The following SBNO1 variants were observed in gnomAD, a reference collection of about 807,000 sequenced individuals.
SBNO1 encodes protein strawberry notch homolog 1.
SBNO1 carries 23 observed loss-of-function variants against 173.6 expected under a neutral mutation model. That is an observed-to-expected ratio of 0.13 (90% CI 0.10 to 0.19). The LOEUF is 0.19. Among genes scored for constraint, SBNO1 ranks in the 10% least tolerant of loss-of-function variants. The probability of loss-of-function intolerance (pLI) is 1.00; values close to 1 mark genes in which losing one functional copy is unlikely to be tolerated. For missense variants in SBNO1, 1,238 were observed against 1,671.2 expected, an observed-to-expected ratio of 0.74 and a Z score of 4.52; for synonymous variants, 632 against 571.5, an observed-to-expected ratio of 1.11 and a Z score of -1.51.
chr12:123,346,250 T>C (rs1462792731), intron 3 of SBNO1, among the ~76,000 whole-genome samples: 1 of 152,128 alleles, frequency 6.6e-6, no homozygotes, highest in Non-Finnish European at 1.5e-5. Flanking sequence ...CACCCCAATC[T>C]CCCCAAAAGA....
rs1169926425 is a variant in SBNO1, at chr12:123,294,447, C to A, written c.*1461G>T. ...TATAAGGCTACCTGGAATGCTGAGA[C>A]AACACACAAATTCTGCTGAGTCCCC... On this transcript the variant is annotated 3_prime_UTR_variant, in exon 32 of 32. Coordinates refer to ENST00000602398, the MANE Select transcript of SBNO1 (RefSeq NM_001167856.3). The A allele has an allele frequency of 6.6e-6, 1 of 152,194 alleles. No homozygotes were observed. The highest frequency in any genetic ancestry group is 1.5e-5 in the Non-Finnish European group (1 of 68,182). 9.4% of individuals were successfully genotyped at this position (152,194 alleles called of 1,614,324 possible). A position where few individuals can be genotyped will look rare whatever the true frequency, so the allele number is the denominator to read the frequency against.
At chr12:123,315,019 A>C (rs1479852085) in intron 23 of SBNO1, among the ~76,000 whole-genome samples, 1 of 152,138 alleles carries the variant, frequency 6.6e-6, no homozygotes, top group Non-Finnish European at 1.5e-5. Flanking sequence ...CTGGGATTAC[A>C]GACATGAGCC....
In SBNO1 at chr12:123,292,235, T is replaced by C. The variant is rs148323309; in HGVS notation, c.*3673A>G. On this transcript the variant is annotated 3_prime_UTR_variant, in exon 32 of 32. Transcript: ENST00000602398. ...CCTGAACTAATCAAACGTTCATTAATAGGATCCCAGCCTAACAGCAACGCT... is the reference window on the plus strand; with the variant it reads ...CCTGAACTAATCAAACGTTCATTAACAGGATCCCAGCCTAACAGCAACGCT... 1.3e-5 allele frequency: 2 copies of C among 152,166 alleles called. No homozygotes were observed. Among genetic ancestry groups the C allele is most frequent in the Non-Finnish European group, 1.5e-5 (1 of 68,046 alleles). 9.4% of individuals were successfully genotyped at this position (152,166 alleles called of 1,614,324 possible).
intron 4 of SBNO1, among the ~76,000 whole-genome samples, chr12:123,343,305 A>G (rs1872760252): frequency 6.6e-6 from 1 of 152,174 alleles, no homozygotes; most frequent in African/African-American, 2.4e-5. Flanking sequence ...ATTTGGGGGC[A>G]TGGTTTGTTT....
At chr12:123,312,604 CG>C (rs1868721627) in intron 24 of SBNO1, among the ~76,000 whole-genome samples, 1 of 151,538 alleles carries the variant, frequency 6.6e-6, no homozygotes, top group Admixed American at 6.6e-5. Flanking sequence ...CCCAGCTACT[CG>C]GGAGGTTCAG....
In SBNO1 at chr12:123,289,122, A is replaced by C. The variant is rs746493662; in HGVS notation, c.*6786T>G. 6.6e-6 allele frequency: 1 copy of C among 152,088 alleles called. No individual in the cohort carries two copies. Among genetic ancestry groups the C allele is most frequent in the Non-Finnish European group, 1.5e-5 (1 of 67,956 alleles). The allele number at this position is 152,088 out of a possible 1,614,324, so 9.4% of individuals were successfully genotyped here. On this transcript the variant is annotated 3_prime_UTR_variant, in exon 32 of 32. Coordinates refer to ENST00000602398, the MANE Select transcript of SBNO1 (RefSeq NM_001167856.3). ...AAGCACAACCCGTGACTCGTATTTA[A>C]TTTATTTAGAATCTTACAAAAACAA...
chr12:123,326,995 TTTTTG>T (rs1870684220), intron 13 of SBNO1, among the ~76,000 whole-genome samples: 1 of 151,858 alleles, frequency 6.6e-6, no homozygotes, highest in Non-Finnish European at 1.5e-5. Flanking sequence ...CATCTGTTTG[TTTTTG>T]TTTTTTGTTT....
chr12:123,358,424 A>G (rs1874707201), intron 1 of SBNO1, among the ~76,000 whole-genome samples: 1 of 152,166 alleles, frequency 6.6e-6, no homozygotes, highest in South Asian at 2.1e-4. Context: ...GCTACCCATT[A>G]TCCCTTTGTC....
chr12:123,313,684 G>A lies in SBNO1; in HGVS notation c.3156C>T (p.Ser1052=), dbSNP rs776316531. The A allele has an allele frequency of 6.2e-7, 1 of 1,609,740 alleles. No homozygotes were observed. Among genetic ancestry groups the A allele is most frequent in the Non-Finnish European group, 8.5e-7 (1 of 1,176,902 alleles). Residue 1052 remains serine (S), a synonymous_variant, in exon 24 of 32, where the codon TCC becomes TCT. Transcript: ENST00000602398. ...GRNALEIVMK[S]IVNLDSPMVS... is the part of the protein sequence containing the mutation. ...CCATAGGAGAATCCAAGTTTACAAT[G>A]GATTTCATGACAATTTCTAAAGCAT... is the stretch of plus-strand genomic sequence containing the variant.
chr12:123,314,041 G>A (rs181290643), intron 23 of SBNO1, among the ~76,000 whole-genome samples: 10 of 152,020 alleles, frequency 6.6e-5, no homozygotes, highest in South Asian at 4.2e-4. Context: ...CCGAGATGGC[G>A]TCATTGTGCT....
At chr12:123,357,682 A>C (rs560646948) in intron 1 of SBNO1, among the ~76,000 whole-genome samples, 2 of 152,020 alleles carry the variant, frequency 1.3e-5, no homozygotes, top group South Asian at 4.2e-4. Flanking sequence ...TTGAACCCGG[A>C]AAGTGGAGGT....
chr12:123,323,907 G>T, intron 15 of SBNO1, 76 bp from the exon 16 acceptor site: 2 of 1,097,650 alleles, frequency 1.8e-6, no homozygotes, highest in South Asian at 1.9e-5. Context: ...TAAATATATT[G>T]AAATATACTT....
At chr12:123,300,758 G>A (rs1017751596) in intron 30 of SBNO1, among the ~76,000 whole-genome samples, 5 of 151,802 alleles carry the variant, frequency 3.3e-5, no homozygotes, top group Non-Finnish European at 5.9e-5. Flanking sequence ...TCAGGAGTTC[G>A]AGACCAGCTT....
rs915791308 is a variant in SBNO1 at position 123,292,820 on chromosome 12, G to C, written c.*3088C>G. The C allele has an allele frequency of 6.6e-6, 1 of 152,184 alleles. No individual in the cohort carries two copies. Among genetic ancestry groups the C allele is most frequent in the Non-Finnish European group, 1.5e-5 (1 of 68,028 alleles). The allele number at this position is 152,184 out of a possible 1,614,324, so 9.4% of individuals were successfully genotyped here. ...TAACTGTAATTTAGCAGCAGAAAAAGAAAACTGCTTAACATATTTGCTTCT... is the reference window on the plus strand; with the variant it reads ...TAACTGTAATTTAGCAGCAGAAAAACAAAACTGCTTAACATATTTGCTTCT... On this transcript the variant is annotated 3_prime_UTR_variant, in exon 32 of 32. Coordinates refer to ENST00000602398, the MANE Select transcript of SBNO1 (RefSeq NM_001167856.3).
intron 1 of SBNO1, among the ~76,000 whole-genome samples, chr12:123,360,990 A>G (rs571400384): frequency 6.6e-6 from 1 of 152,290 alleles, no homozygotes; most frequent in Non-Finnish European, 1.5e-5. Context: ...TCACGCCTAT[A>G]ATCCCAGCAC....
Position 123,327,495 on chromosome 12 carries a change from C to T in SBNO1, c.1623G>A (p.Val541=). The T allele has an allele frequency of 6.2e-7, 1 of 1,613,794 alleles. No individual in the cohort carries two copies. The highest frequency in any genetic ancestry group is 8.5e-7 in the Non-Finnish European group (1 of 1,179,760). The change falls in exon 13 of 32, where the codon GTG becomes GTA. Residue 541 remains valine (V), a synonymous_variant. Coordinates refer to ENST00000602398, the MANE Select transcript of SBNO1 (RefSeq NM_001167856.3). ...GAAGAACTTCCTCAATTTTGAAGGT[C>T]ACTCCAGTAAAGCTCAGTTGTCGAG... is the stretch of plus-strand genomic sequence containing the variant. The part of the protein sequence containing the change: ...YIARQLSFTG[V]TFKIEEVLLS...
At chr12:123,316,704 T>G (rs1869322319) in intron 21 of SBNO1, among the ~76,000 whole-genome samples, 1 of 25,460 alleles carries the variant, frequency 3.9e-5, no homozygotes, top group African/African-American at 5.0e-5. Flanking sequence ...TTTCTTCTTC[T>G]TTTTTTTTTT....
At chr12:123,314,618 T>A (rs536144653) in intron 23 of SBNO1, among the ~76,000 whole-genome samples, 1 of 151,876 alleles carries the variant, frequency 6.6e-6, no homozygotes, top group East Asian at 2.0e-4. Context: ...TGAGCCACTG[T>A]GCCCAGCCAC....
chr12:123,323,825 C>T lies in SBNO1; in HGVS notation c.1980G>A (p.Val660=). 1 of 1,608,092 alleles carries T rather than the reference C, an allele frequency of 6.2e-7. No homozygotes were observed. Among genetic ancestry groups the T allele is most frequent in the Non-Finnish European group, 8.5e-7 (1 of 1,178,060 alleles). Residue 660 remains valine (V), a synonymous_variant, in exon 16 of 32, where the codon GTG becomes GTA. Coordinates refer to ENST00000602398, the MANE Select transcript of SBNO1 (RefSeq NM_001167856.3). The part of the protein sequence containing the change: ...LNDFVSTAKG[V]LQSLIEKHFP... Reference sequence around the variant, plus strand: ...AATGTTTTTCAATGAGTGACTGCAACACACCTCTGTAGGAGAGAAACAGTG... The same window carrying T: ...AATGTTTTTCAATGAGTGACTGCAATACACCTCTGTAGGAGAGAAACAGTG...
Sources: gnomAD v4.1 joint callset for allele counts (sites outside exome capture counted in the v4.1 genomes callset) on GRCh38, gnomAD v4.1.1 for gene constraint, MANE v1.5 for transcripts, NCBI Gene and HGNC (gene_info 2026-07-23, HGNC 2026-07-21) for gene names.